GSAP: variants seen among roughly 807,000 people sequenced by gnomAD.
GSAP encodes gamma-secretase activating protein.
In GSAP, 118 loss-of-function variants were observed where a neutral mutation model predicts 131.7. The observed-to-expected ratio is 0.90, with a 90% CI of 0.77 to 1.04. The LOEUF is 1.04. GSAP is among the 50% of genes least tolerant of loss of function. GSAP has a pLI of 0.00. For synonymous variants in GSAP, 381 were observed against 363.4 expected, an observed-to-expected ratio of 1.05 and a Z score of -0.55; for missense variants, 1,019 against 1,013.2, an observed-to-expected ratio of 1.01 and a Z score of -0.08.
intron 6 of GSAP, among the ~76,000 whole-genome samples, chr7:77,384,185 G>C (rs1349659670): frequency 6.6e-6 from 1 of 152,208 alleles, no homozygotes; most frequent in African/African-American, 2.4e-5. Context: ...GGAGATATCT[G>C]CTGCTATGGA....
At chr7:77,337,169 G>A (rs1790116678) in intron 19 of GSAP, among the ~76,000 whole-genome samples, 1 of 151,816 alleles carries the variant, frequency 6.6e-6, no homozygotes, top group Non-Finnish European at 1.5e-5. Context: ...TGTTTTGTTT[G>A]TGAGGTGGAG....
In GSAP at chr7:77,393,749, C is replaced by T. The variant is rs532732994; in HGVS notation, c.367+3233G>A. Among the ~76,000 whole-genome samples the T allele has an allele frequency of 2.6e-5, 4 of 151,088 alleles. No homozygotes were observed. The East Asian group carries it at 7.8e-4, about 29-fold the overall frequency. The stretch of plus-strand genomic sequence containing the variant: ...AGTACAGTGGCACGATCTCTGCTCA[C>T]GGCAACCTTTATTTCCTGGGATCAA... On this transcript the variant is annotated intron_variant, in intron 5 of 30. Transcript: ENST00000257626.
chr7:77,368,929 T>A (rs1795724227), intron 12 of GSAP, among the ~76,000 whole-genome samples: 1 of 152,212 alleles, frequency 6.6e-6, no homozygotes, highest in Non-Finnish European at 1.5e-5. Flanking sequence ...TATCCAGAGA[T>A]GTTTAATGAA....
At position 77,311,825 on chromosome 7, in the gene GSAP, C is replaced by A; in HGVS notation, c.2473+16G>T. ...GGGAAAAGTGGTAAGACCCTGAGAA[C>A]AGGGGAGTAAATTACCTTGATTGGA... is the stretch of plus-strand genomic sequence containing the variant. On this transcript the variant is annotated intron_variant, in intron 30 of 30. Transcript: ENST00000257626. 1 of 1,182,804 alleles carries A rather than the reference C, an allele frequency of 8.5e-7. No homozygotes were observed. Among genetic ancestry groups the A allele is most frequent in the Non-Finnish European group, 1.3e-6 (1 of 786,244 alleles). The allele number at this position is 1,182,804 out of a possible 1,614,324, so 73.3% of individuals were successfully genotyped here. A position where few individuals can be genotyped will look rare whatever the true frequency, so the allele number is the denominator to read the frequency against.
At chr7:77,346,542 A>G (rs1250304684) in intron 19 of GSAP, among the ~76,000 whole-genome samples, 3 of 151,348 alleles carry the variant, frequency 2.0e-5, no homozygotes, top group Non-Finnish European at 4.4e-5. Context: ...TCTACCAAAA[A>G]AAAAAAAAAA....
intron 19 of GSAP, among the ~76,000 whole-genome samples, chr7:77,338,269 A>G (rs1790337489): frequency 6.6e-6 from 1 of 152,230 alleles, no homozygotes; most frequent in Non-Finnish European, 1.5e-5. Flanking sequence ...CACAGTTTAC[A>G]AAGGGATAAA....
chr7:77,346,269 T>TAAAA (rs1562988965), intron 19 of GSAP, among the ~76,000 whole-genome samples: 1 of 39,648 alleles, frequency 2.5e-5, no homozygotes, highest in African/African-American at 1.8e-4. Flanking sequence ...AGACTCCATC[T>TAAAA]CAAAAAAAAA....
intron 19 of GSAP, 106 bp from the exon 20 acceptor site, chr7:77,330,473 T>A (rs1253214258): frequency 6.8e-7 from 1 of 1,462,058 alleles, no homozygotes; most frequent in Non-Finnish European, 9.0e-7. Context: ...AGGGTCCACA[T>A]TTCTGAGTGA....
At chr7:77,329,446 T>G in intron 20 of GSAP, 55 bp from the exon 21 acceptor site, 1 of 976,926 alleles carries the variant, frequency 1.0e-6, no homozygotes, top group Non-Finnish European at 1.6e-6. Context: ...TCGGTGACTT[T>G]TCACGTCAAG....
chr7:77,345,619 G>C (rs1791680737), intron 19 of GSAP, among the ~76,000 whole-genome samples: 2 of 152,228 alleles, frequency 1.3e-5, no homozygotes, highest in Admixed American at 6.5e-5. Context: ...CATCTTAACT[G>C]AGCGATTAAC....
In GSAP at chr7:77,311,462, G is replaced by A; in HGVS notation, c.2474-13C>T. 1 of 1,499,664 alleles carries A rather than the reference G, an allele frequency of 6.7e-7. No individual in the cohort carries two copies. The highest frequency in any genetic ancestry group is 1.4e-5 in the African/African-American group (1 of 72,950). The allele number at this position is 1,499,664 out of a possible 1,614,324, so 92.9% of individuals were successfully genotyped here. ...AAAGGATACAGGGCTGGAAAAAAATGGGGAGAGGGCAGGGAAAAAGGGTTA... is the reference window on the plus strand; with the variant it reads ...AAAGGATACAGGGCTGGAAAAAAATAGGGAGAGGGCAGGGAAAAAGGGTTA... On this transcript the variant is annotated splice_polypyrimidine_tract_variant and intron_variant, in intron 30 of 30. Coordinates refer to ENST00000257626, the MANE Select transcript of GSAP (RefSeq NM_017439.4).
Position 77,397,011 on chromosome 7 carries a change from T to A in GSAP, c.338A>T (p.Lys113Ile), listed in dbSNP as rs1160362014. 1 of 1,601,710 alleles carries A rather than the reference T, an allele frequency of 6.2e-7. No homozygotes were observed. The highest frequency in any genetic ancestry group is 8.5e-7 in the Non-Finnish European group (1 of 1,171,392). ...LLAASLVQST[K>I]EGKRNELQPG... ...TTGAAGTTCGTTCCTTTTTCCTTCT[T>A]TAGTAGACTGAACTAAACTTGCAGC... The change falls in exon 5 of 31, where the codon AAA (lysine) becomes ATA (isoleucine). Residue 113 changes from lysine to isoleucine, a missense_variant. Transcript: ENST00000257626.
chr7:77,342,160 C>A (rs1158385490), intron 19 of GSAP, among the ~76,000 whole-genome samples: 1 of 152,238 alleles, frequency 6.6e-6, no homozygotes, highest in South Asian at 2.1e-4. Flanking sequence ...CTTGGCTTAG[C>A]GGCTGAAGAC....
At chr7:77,330,706 T>A (rs2150683393) in intron 19 of GSAP, 4 of 993,528 alleles carry the variant, frequency 4.0e-6, no homozygotes, top group Non-Finnish European at 4.8e-6. Context: ...CTGAGTCATT[T>A]CCTCCCTTGA....
chr7:77,319,685 C>T (rs1787365996), intron 26 of GSAP, among the ~76,000 whole-genome samples: 1 of 152,160 alleles, frequency 6.6e-6, no homozygotes. Context: ...GTAGAATTTA[C>T]AATGGAGTAT....
chr7:77,388,369 G>T (rs1584673396), intron 5 of GSAP, among the ~76,000 whole-genome samples: 1 of 152,230 alleles, frequency 6.6e-6, no homozygotes, highest in Non-Finnish European at 1.5e-5. Flanking sequence ...AAGGCTGACA[G>T]TATCTATCAT....
rs1462197789 is a variant in GSAP at position 77,397,388 on chromosome 7, G to T, written c.271C>A (p.Gln91Lys). ...ELLYTFEKDL[Q>K]VFSCSVNSER... ...CTGTTGACAGAGCAACTGAAAACTT[G>T]CAAGTCTTTCTCAAAGGTATATAGA... Residue 91 changes from glutamine (Q) to lysine (K), a missense_variant, in exon 4 of 31, where the codon CAA (glutamine) becomes AAA (lysine). Coordinates refer to ENST00000257626, the MANE Select transcript of GSAP (RefSeq NM_017439.4). 3.1e-6 allele frequency: 5 copies of T among 1,604,232 alleles called. No homozygotes were observed. The highest frequency in any genetic ancestry group is 4.3e-6 in the Non-Finnish European group (5 of 1,172,718).
intron 12 of GSAP, 37 bp downstream of exon 12, chr7:77,374,033 A>C: frequency 1.8e-6 from 2 of 1,141,040 alleles, no homozygotes; most frequent in Non-Finnish European, 2.6e-6. Flanking sequence ...GAACTCAAAT[A>C]CGGTTGAATA....
In GSAP at chr7:77,320,858, C is replaced by CT; in HGVS notation, c.1995-40dup. 6.3e-6 allele frequency: 8 copies of CT among 1,265,812 alleles called. No individual in the cohort carries two copies. The South Asian group carries it at 8.4e-5, about 13-fold the overall frequency. 78.4% of individuals were successfully genotyped at this position (1,265,812 alleles called of 1,614,324 possible). On this transcript the variant is annotated intron_variant, in intron 25 of 30. Transcript: ENST00000257626. ...ACAAAGCAGCATGTCAGCCAAGGAG[C>CT]TCATCTGTGATGCTCCATTTGTCCT...
Sources: gnomAD v4.1 joint callset for allele counts (sites outside exome capture counted in the v4.1 genomes callset) on GRCh38, gnomAD v4.1.1 for gene constraint, MANE v1.5 for transcripts, NCBI Gene and HGNC (gene_info 2026-07-23, HGNC 2026-07-21) for gene names.